The following ALG9 variants were observed in gnomAD, a reference collection of about 807,000 sequenced individuals.
The protein encoded by ALG9 is alpha-1,2-mannosyltransferase ALG9.
In ALG9, 55 loss-of-function variants were observed where a neutral mutation model predicts 81.8. That is an observed-to-expected ratio of 0.67 (90% confidence interval 0.54 to 0.84). The LOEUF (loss-of-function observed/expected upper bound fraction) is 0.84. Ranked by LOEUF, ALG9 falls within the 40% of genes least tolerant of loss-of-function variation. ALG9 has a pLI of 0.00. For missense variants in ALG9, 629 were observed against 745.0 expected, an observed-to-expected ratio of 0.84 and a Z score of 1.81; for synonymous variants, 278 against 274.3, an observed-to-expected ratio of 1.01 and a Z score of -0.13.
At chr11:111,850,278 G>T (rs1489133395) in intron 8 of ALG9, among the ~76,000 whole-genome samples, 2 of 152,140 alleles carry the variant, frequency 1.3e-5, no homozygotes, top group African/African-American at 4.8e-5. Flanking sequence ...GGATACCCCA[G>T]AATTTATCCA....
At chr11:111,791,815 G>A (rs1344760201) in intron 14 of ALG9, among the ~76,000 whole-genome samples, 5 of 152,250 alleles carry the variant, frequency 3.3e-5, no homozygotes, top group Admixed American at 2.0e-4. Context: ...CCTTTGGCCA[G>A]ACACAGTGGC....
intron 2 of ALG9, among the ~76,000 whole-genome samples, chr11:111,869,570 A>G (rs1458199086): frequency 6.6e-6 from 1 of 152,148 alleles, no homozygotes; most frequent in Non-Finnish European, 1.5e-5. Flanking sequence ...TTTAAAAACT[A>G]TCTCCAGGTA....
chr11:111,870,660 T>G (rs1555157730), intron 1 of ALG9: 13 of 901,370 alleles, frequency 1.4e-5, no homozygotes, highest in African/African-American at 1.8e-5. Context: ...AAGAATTGAC[T>G]TTAATCACTC....
intron 13 of ALG9, among the ~76,000 whole-genome samples, chr11:111,833,984 T>A (rs1324420872): frequency 6.6e-6 from 1 of 152,238 alleles, no homozygotes; most frequent in Non-Finnish European, 1.5e-5. Flanking sequence ...ATATTCATTA[T>A]CCACTGAGAA....
At chr11:111,793,435 A>G (rs1260046185) in intron 14 of ALG9, among the ~76,000 whole-genome samples, 1 of 152,228 alleles carries the variant, frequency 6.6e-6, no homozygotes, top group African/African-American at 2.4e-5. Context: ...GTTATTGAAA[A>G]AAGGAAATCA....
chr11:111,806,716 G>C (rs1163366110), intron 14 of ALG9, among the ~76,000 whole-genome samples: 1 of 152,058 alleles, frequency 6.6e-6, no homozygotes, highest in Non-Finnish European at 1.5e-5. Context: ...TGAGTCTCTA[G>C]CTCAGACTTC....
At chr11:111,769,686 A>G in the ALG9 span, among the ~76,000 whole-genome samples, 1 of 152,264 alleles carries the variant, frequency 6.6e-6, no homozygotes, top group South Asian at 2.1e-4. Flanking sequence ...AGATTAAGTC[A>G]GTTCCACAGT....
chr11:111,838,285 G>A lies in ALG9; in HGVS notation c.1288C>T (p.Leu430Phe). Residue 430 changes from leucine to phenylalanine, a missense_variant, in exon 11 of 15, where the codon CTC becomes TTC. By Grantham distance (22) the Leu-to-Phe change is conservative (BLOSUM62 0). This residue lies in a region of ALG9 where 264 missense variants were observed against 302.2 expected (regional missense o/e 0.87). Coordinates refer to ENST00000616540, the MANE Select transcript of ALG9 (RefSeq NM_024740.2). Reference protein sequence around the residue: ...LALGTVFLFGLLSFSRSVALF... With the variant: ...LALGTVFLFGFLSFSRSVALF... ...GCCACAGAGCGAGAAAATGACAAGAGCCCAAACAGGAAGACAGTTCCTAAT... is the reference window on the plus strand; with the variant it reads ...GCCACAGAGCGAGAAAATGACAAGAACCCAAACAGGAAGACAGTTCCTAAT... The A allele has an allele frequency of 6.2e-7, 1 of 1,614,128 alleles. No homozygotes were observed. The highest frequency in any genetic ancestry group is 8.5e-7 in the Non-Finnish European group (1 of 1,180,002).
chr11:111,797,652 T>C (rs1565643469), intron 14 of ALG9, among the ~76,000 whole-genome samples: 2 of 152,260 alleles, frequency 1.3e-5, no homozygotes, highest in Non-Finnish European at 2.9e-5. Context: ...TTATCTTCCA[T>C]AGAGAAATAG....
intron 13 of ALG9, among the ~76,000 whole-genome samples, chr11:111,820,143 A>G (rs1388903114): frequency 6.6e-6 from 1 of 152,234 alleles, no homozygotes; most frequent in African/African-American, 2.4e-5. Context: ...GACTCTATTC[A>G]GATCCATGAC....
At chr11:111,851,240 A>G in intron 8 of ALG9, among the ~76,000 whole-genome samples, 1 of 152,132 alleles carries the variant, frequency 6.6e-6, no homozygotes, top group East Asian at 1.9e-4. Flanking sequence ...GCACTTTGGG[A>G]GGCCAAGACT....
At chr11:111,853,917 T>C (rs1958236943) in intron 6 of ALG9, among the ~76,000 whole-genome samples, 181 bp from the exon 7 acceptor site, 1 of 152,178 alleles carries the variant, frequency 6.6e-6, no homozygotes, top group African/African-American at 2.4e-5. Context: ...ATCCCACTGA[T>C]GCACAAGAAA....
chr11:111,864,152 AG>A, intron 4 of ALG9: 1 of 520,400 alleles, frequency 1.9e-6, no homozygotes, highest in Admixed American at 3.6e-5. Context: ...AATTAAAAAA[AG>A]AAAAAGAAGA....
intron 6 of ALG9, among the ~76,000 whole-genome samples, chr11:111,857,263 A>G (rs1005660858): frequency 1.3e-5 from 2 of 152,234 alleles, no homozygotes; most frequent in Admixed American, 6.5e-5. Context: ...AAAAGCAAAC[A>G]TAATCTTAAA....
chr11:111,863,012 A>AG (rs1960874548), intron 4 of ALG9, among the ~76,000 whole-genome samples: 1 of 152,120 alleles, frequency 6.6e-6, no homozygotes. Flanking sequence ...ACTTGGGTTA[A>AG]GGGTCCATTT....
intron 13 of ALG9, chr11:111,828,814 T>G (rs1170443699): frequency 6.6e-6 from 1 of 152,172 alleles, no homozygotes; most frequent in Non-Finnish European, 1.5e-5. Flanking sequence ...ACATTATTTA[T>G]TACAAAAAAC....
intron 6 of ALG9, among the ~76,000 whole-genome samples, chr11:111,856,755 G>A (rs1958756263): frequency 6.6e-6 from 1 of 151,890 alleles, no homozygotes; most frequent in Non-Finnish European, 1.5e-5. Flanking sequence ...AACAGAAGTA[G>A]TGGGAACAAA....
intron 14 of ALG9, among the ~76,000 whole-genome samples, chr11:111,801,278 A>T (rs1417894947): frequency 6.6e-6 from 1 of 152,238 alleles, no homozygotes; most frequent in Non-Finnish European, 1.5e-5. Flanking sequence ...CTGACAGTAC[A>T]GTCTACCTTA....
chr11:111,847,130 A>T lies in ALG9; in HGVS notation c.896-2407T>A, dbSNP rs117429363. On this transcript the variant is annotated intron_variant, in intron 8 of 14. Coordinates refer to ENST00000616540, the MANE Select transcript of ALG9 (RefSeq NM_024740.2). ...CCTGTAGGAACTAAATCATAGTAAG[A>T]CATCCTTATAAATGTCAAATTTGTA... Among the ~76,000 whole-genome samples the T allele has an allele frequency of 6.6e-3, 1,008 of 152,266 alleles. 6 individuals carry two copies. The highest frequency in any genetic ancestry group is 0.051 in the Middle Eastern group (15 of 294).
Sources: gnomAD v4.1 joint callset for allele counts (sites outside exome capture counted in the v4.1 genomes callset) on GRCh38, gnomAD v4.1.1 for gene constraint, gnomAD v4.1.1 regional missense constraint, MANE v1.5 for transcripts, NCBI Gene and HGNC (gene_info 2026-07-23, HGNC 2026-07-21) for gene names.